The following NECAB3 variants were observed in gnomAD, a reference collection of about 807,000 sequenced individuals.
NECAB3 encodes the protein N-terminal EF-hand calcium-binding protein 3.
NECAB3 carries 38 observed loss-of-function variants against 57.2 expected under a neutral mutation model. The ratio of observed to expected loss-of-function variants is 0.66; its 90% CI spans 0.51 to 0.87. The LOEUF is 0.87. NECAB3 is among the 40% of genes least tolerant of loss of function. The probability of loss-of-function intolerance (pLI) is 0.00; values close to 1 mark genes in which losing one functional copy is unlikely to be tolerated. For synonymous variants in NECAB3, 223 were observed against 222.6 expected, an observed-to-expected ratio of 1.00 and a Z score of -0.02; for missense variants, 474 against 527.5, an observed-to-expected ratio of 0.90 and a Z score of 0.99.
chr20:33,669,293 G>A (rs759853073), intron 5 of NECAB3, 82 bp downstream of exon 5: 2 of 1,450,888 alleles, frequency 1.4e-6, no homozygotes, highest in South Asian at 2.3e-5. Flanking sequence ...ATAACCCTGA[G>A]TCAAGACTGT....
rs772079239 is a variant in NECAB3, at chr20:33,670,689, G to A, written c.258C>T (p.Leu86=). The A allele has an allele frequency of 3.1e-6, 5 of 1,612,982 alleles. No homozygotes were observed. The highest frequency in any genetic ancestry group is 3.4e-6 in the Non-Finnish European group (4 of 1,179,116). ...QELFSGIDGH[L]TDNLETEKLC... is the part of the protein sequence containing the mutation. ...CGGCCCCCTCTCATACTCACTCGGT[G>A]AGATGCCCATCAATGCCGCTGAACA... Residue 86 remains leucine (L), a synonymous_variant, in exon 3 of 12, where the codon CTC becomes CTT. Transcript: ENST00000246190.
At chr20:33,671,783 C>T (rs762668634) in intron 2 of NECAB3, among the ~76,000 whole-genome samples, 58 of 152,314 alleles carry the variant, frequency 3.8e-4, no homozygotes, top group South Asian at 4.1e-4. Flanking sequence ...GGAGCCGACT[C>T]CTTTGGCACT....
intron 5 of NECAB3, chr20:33,663,435 G>A (rs2017544516): frequency 2.3e-6 from 3 of 1,324,534 alleles, no homozygotes; most frequent in East Asian, 2.7e-5. Flanking sequence ...GACAGGACCC[G>A]GGTGGACGAG....
chr20:33,663,244 G>A (rs2017538145), intron 5 of NECAB3: 1 of 507,740 alleles, frequency 2.0e-6, no homozygotes, highest in South Asian at 2.6e-5. Context: ...GGGCCTGGAA[G>A]GGATCTCATA....
intron 5 of NECAB3, chr20:33,664,963 A>C (rs2017603513): frequency 6.6e-6 from 1 of 152,130 alleles, no homozygotes; most frequent in East Asian, 1.9e-4. Flanking sequence ...AAGAGCTATA[A>C]CATCACTCCT....
chr20:33,663,419 G>A, intron 5 of NECAB3: 1 of 1,156,608 alleles, frequency 8.6e-7, no homozygotes, highest in Non-Finnish European at 1.2e-6. Context: ...CAGGACCCGG[G>A]TGGACGACAG....
At chr20:33,670,519 A>G in intron 3 of NECAB3, 165 bp downstream of exon 3, 1 of 536,618 alleles carries the variant, frequency 1.9e-6, no homozygotes, top group South Asian at 2.5e-5. Flanking sequence ...GCAAGGCTGT[A>G]GCTGGAGAGG....
intron 5 of NECAB3, chr20:33,663,878 C>A (rs1450918731): frequency 2.2e-6 from 3 of 1,384,328 alleles, no homozygotes; most frequent in African/African-American, 3.1e-5. Flanking sequence ...ACGCTTGGCC[C>A]GGACCCCGCC....
At chr20:33,666,291 G>T (rs75714639) in intron 5 of NECAB3, among the ~76,000 whole-genome samples, 2 of 152,308 alleles carry the variant, frequency 1.3e-5, no homozygotes, top group African/African-American at 2.4e-5. Flanking sequence ...AGTGGTTTGG[G>T]AAAGGAATCA....
chr20:33,657,914 C>T, intron 11 of NECAB3, 28 bp downstream of exon 11: 1 of 1,550,858 alleles, frequency 6.4e-7, no homozygotes, highest in Non-Finnish European at 8.7e-7. Flanking sequence ...CCCTCCAGGG[C>T]CACAGTGAGT....
Position 33,670,665 on chromosome 20 carries a change from G to C in NECAB3, c.263+19C>G. The C allele has an allele frequency of 6.4e-7, 1 of 1,574,308 alleles. No homozygotes were observed. The highest frequency in any genetic ancestry group is 1.1e-5 in the South Asian group (1 of 89,382). On this transcript the variant is annotated intron_variant, in intron 3 of 11. Transcript: ENST00000246190. The stretch of plus-strand genomic sequence containing the variant: ...ACAACCTGGCCTCGCATCTACCCAC[G>C]GCCCCCTCTCATACTCACTCGGTGA...
chr20:33,672,198 C>T (rs1297718571), intron 2 of NECAB3, 200 bp downstream of exon 2: 2 of 642,728 alleles, frequency 3.1e-6, no homozygotes, highest in South Asian at 1.9e-5. Flanking sequence ...GGCCAAACCA[C>T]ATTCTCTCCA....
At chr20:33,667,998 C>T in intron 5 of NECAB3, 3 of 1,541,620 alleles carry the variant, frequency 1.9e-6, no homozygotes, top group Admixed American at 2.0e-5. Flanking sequence ...TGCTAGCCGG[C>T]GGCTCCACAC....
At position 33,670,777 on chromosome 20, in the gene NECAB3, G is replaced by A. The variant is rs2017812975; in HGVS notation, c.170C>T (p.Ser57Leu). The A allele has an allele frequency of 1.2e-6, 2 of 1,613,960 alleles. No homozygotes were observed. The highest frequency in any genetic ancestry group is 1.7e-5 in the Admixed American group (1 of 60,000). ...AAAGTAATTCTGGAATTCCTCAAAT[G>A]AGAGCTTCCCATCATCTGGGGTGGC... ...RADKNDDGKL[S>L]FEEFQNYFAD... Residue 57 changes from serine (S) to leucine (L), a missense_variant, in exon 3 of 12, where the codon TCA (serine) becomes TTA (leucine). Ser to Leu is a moderately radical substitution (Grantham distance 145). Coordinates refer to ENST00000246190, the MANE Select transcript of NECAB3 (RefSeq NM_031232.4).
Position 33,660,919 on chromosome 20 carries a change from A to C in NECAB3, c.388-524T>G, listed in dbSNP as rs1446039142. On this transcript the variant is annotated intron_variant, in intron 5 of 11. Transcript: ENST00000246190. This position sits in a 1 kb window ranked among gnomAD's most constrained non-coding sequence, Gnocchi z 4.1. ...CAATCAGGTTGCCATTCTCACTCAG[A>C]CACACACGCCGGCACTGACCCCAAC... 1.3e-5 allele frequency among the ~76,000 whole-genome samples: 2 copies of C among 151,614 alleles called. No individual in the cohort carries two copies. The highest frequency in any genetic ancestry group is 2.9e-5 in the Non-Finnish European group (2 of 67,998).
rs746352570 is a variant in NECAB3 at position 33,660,260 on chromosome 20, G to C, written c.523C>G (p.Arg175Gly). The C allele has an allele frequency of 6.2e-7, 1 of 1,612,028 alleles. No individual in the cohort carries two copies. The change falls in exon 6 of 12, where the codon CGG becomes GGG. Residue 175 changes from arginine (R) to glycine (G), a missense_variant and splice_region_variant. Coordinates refer to ENST00000246190, the MANE Select transcript of NECAB3 (RefSeq NM_031232.4). This position sits in a 1 kb window ranked among gnomAD's most constrained non-coding sequence, Gnocchi z 4.1. ...CAGGTTGACAGCACCCTTACATACC[G>C]CCAGCCATGGGCCTGGGCCTCCAGG... The part of the protein sequence containing the change: ...DTLEAQAHGW[R>G]SDAESVEAQS...
chr20:33,674,047 G>C (rs1290592462), intron 1 of NECAB3, among the ~76,000 whole-genome samples, 177 bp downstream of exon 1: 6 of 152,194 alleles, frequency 3.9e-5, no homozygotes, highest in African/African-American at 1.4e-4. Context: ...AGGGACAAGA[G>C]GAGACATGGA....
At chr20:33,663,454 G>T in intron 5 of NECAB3, 2 of 1,472,366 alleles carry the variant, frequency 1.4e-6, no homozygotes, top group Non-Finnish European at 1.8e-6. Context: ...AGGGTCCCAG[G>T]AGAAGCGCGG....
chr20:33,663,788 C>T (rs928558901), intron 5 of NECAB3: 3 of 1,424,558 alleles, frequency 2.1e-6, no homozygotes, highest in Non-Finnish European at 2.7e-6. Context: ...TTCCGGTCCC[C>T]GGGGAAGGCT....
Sources: allele counts gnomAD v4.1 joint callset (sites outside exome capture counted in the v4.1 genomes callset), GRCh38; gene constraint gnomAD v4.1.1; non-coding constraint Gnocchi (gnomAD v3.1); transcripts MANE v1.5; gene names NCBI Gene and HGNC (gene_info 2026-07-23, HGNC 2026-07-21).